The following IGFL2 variants were observed in gnomAD, a reference collection of about 807,000 sequenced individuals.
The protein encoded by IGFL2 is insulin growth factor-like family member 2.
A neutral mutation model predicts 13.9 loss-of-function variants in IGFL2; 7 were observed. That is an observed-to-expected ratio of 0.51 (90% CI 0.29 to 0.95). IGFL2 has a LOEUF of 0.95. Ranked by LOEUF, IGFL2 falls within the 40% of genes least tolerant of loss-of-function variation. The pLI is 0.08. For synonymous variants in IGFL2, 55 were observed against 55.8 expected, an observed-to-expected ratio of 0.99 and a Z score of 0.07; for missense variants, 138 against 147.8, an observed-to-expected ratio of 0.93 and a Z score of 0.34.
At chr19:46,085,234 A>AT in the IGFL2 span, among the ~76,000 whole-genome samples, 1 of 152,196 alleles carries the variant, frequency 6.6e-6, no homozygotes, top group Non-Finnish European at 1.5e-5. Flanking sequence ...TCAAAAAAAA[A>AT]GGAAAACAAA....
chr19:46,147,302 C>T (rs1227793757), upstream of IGFL2, among the ~76,000 whole-genome samples: 1 of 152,142 alleles, frequency 6.6e-6, no homozygotes, highest in African/African-American at 2.4e-5. Context: ...GGCTGAGGCC[C>T]ACAAACTATG....
chr19:46,171,792 A>G, the IGFL2 span, among the ~76,000 whole-genome samples: 3 of 152,162 alleles, frequency 2.0e-5, no homozygotes, highest in African/African-American at 7.2e-5. Context: ...AATGGCCTAG[A>G]TGGAGGATAT....
chr19:46,105,535 A>G, the IGFL2 span, among the ~76,000 whole-genome samples: 2,015 of 152,316 alleles, frequency 0.013, 30 homozygotes, highest in Middle Eastern at 0.027. Context: ...TATGGGGGTC[A>G]GGTGGGGTAT....
chr19:46,183,136 G>A, the IGFL2 span, among the ~76,000 whole-genome samples: 2 of 152,308 alleles, frequency 1.3e-5, no homozygotes, highest in African/African-American at 4.8e-5. Flanking sequence ...AAAGGGGGAA[G>A]CAAAGGCATG....
intron 1 of IGFL2, chr19:46,160,214 C>G: frequency 1.7e-6 from 1 of 593,464 alleles, no homozygotes; most frequent in South Asian, 2.1e-5. Flanking sequence ...ATTCTCTTTC[C>G]TAGAAGGGTC....
the IGFL2 span, among the ~76,000 whole-genome samples, chr19:46,178,529 A>G: frequency 2.6e-5 from 4 of 152,174 alleles, no homozygotes; most frequent in Non-Finnish European, 5.9e-5. Context: ...CAGATCTAGG[A>G]GAGATTAAAT....
upstream of IGFL2, among the ~76,000 whole-genome samples, chr19:46,142,250 T>C (rs1972892815): frequency 6.6e-6 from 1 of 152,202 alleles, no homozygotes; most frequent in Non-Finnish European, 1.5e-5. Context: ...TTGGGAAGTA[T>C]GTTGGATGGA....
chr19:46,180,294 A>C, the IGFL2 span, among the ~76,000 whole-genome samples: 734 of 150,266 alleles, frequency 4.9e-3, 5 homozygotes, highest in African/African-American at 0.017. Context: ...TTCTCCTGCC[A>C]CAGCCTCACG....
chr19:46,205,568 C>T, the IGFL2 span, among the ~76,000 whole-genome samples: 9 of 152,084 alleles, frequency 5.9e-5, no homozygotes, highest in Non-Finnish European at 1.3e-4. Flanking sequence ...AAATCCAGTG[C>T]ACTCTGCTGT....
the IGFL2 span, chr19:46,120,396 A>G: frequency 6.2e-7 from 1 of 1,609,432 alleles, no homozygotes; most frequent in East Asian, 2.3e-5. Context: ...TTAACAACAT[A>G]TATTCTCAGG....
chr19:46,152,780 CAATT>C (rs1163663642), intron 1 of IGFL2, among the ~76,000 whole-genome samples: 1 of 152,258 alleles, frequency 6.6e-6, no homozygotes, highest in South Asian at 2.1e-4. Context: ...CAATCTTTCA[CAATT>C]AAGTATGATG....
chr19:46,105,097 G>A, the IGFL2 span, among the ~76,000 whole-genome samples: 2 of 152,214 alleles, frequency 1.3e-5, no homozygotes, highest in Non-Finnish European at 2.9e-5. Flanking sequence ...GGCCCTTGCA[G>A]TGAATGACTC....
intron 1 of IGFL2, chr19:46,149,138 A>G (rs1973305127): frequency 1.4e-5 from 11 of 764,748 alleles, no homozygotes; most frequent in Admixed American, 4.3e-5. Flanking sequence ...TTGGGCAACC[A>G]TCTCTCTCTC....
upstream of IGFL2, among the ~76,000 whole-genome samples, chr19:46,140,976 C>G (rs951654039): frequency 2.9e-4 from 44 of 152,118 alleles, no homozygotes; most frequent in African/African-American, 1.0e-3. Context: ...GTGAAACACA[C>G]CAGAGTATTC....
At chr19:46,114,553 A>G in the IGFL2 span, among the ~76,000 whole-genome samples, 8 of 152,060 alleles carry the variant, frequency 5.3e-5, no homozygotes, top group South Asian at 1.0e-3. Context: ...ATTACCCCAC[A>G]TGTTAGGGAG....
At chr19:46,142,315 A>G (rs879449734), upstream of IGFL2, among the ~76,000 whole-genome samples, 5 of 152,226 alleles carry the variant, frequency 3.3e-5, no homozygotes, top group Non-Finnish European at 5.9e-5. Context: ...CAAAAATAAT[A>G]ATGTTCCTAG....
chr19:46,144,772 C>A (rs1973031175), upstream of IGFL2, among the ~76,000 whole-genome samples: 2 of 152,126 alleles, frequency 1.3e-5, no homozygotes. Flanking sequence ...AATCAGGTTA[C>A]AGAACAGTTC....
At chr19:46,181,682 C>T in the IGFL2 span, among the ~76,000 whole-genome samples, 1,196 of 152,356 alleles carry the variant, frequency 7.9e-3, 21 homozygotes, top group African/African-American at 0.026. Flanking sequence ...AGTTTCCCAG[C>T]TCCCTGCCTG....
chr19:46,148,166 G>C (rs1568423186), upstream of IGFL2: 3 of 895,788 alleles, frequency 3.3e-6, no homozygotes, highest in Non-Finnish European at 3.4e-6. Context: ...CAAGAGGCCA[G>C]TGCTTCTGGG....
Sources: allele counts gnomAD v4.1 joint callset (sites outside exome capture counted in the v4.1 genomes callset), GRCh38; gene constraint gnomAD v4.1.1; transcripts MANE v1.5; gene names NCBI Gene and HGNC (gene_info 2026-07-23, HGNC 2026-07-21).